Variants in KLHL29 observed in about 807,000 individuals in gnomAD.
KLHL29 encodes kelch-like protein 29.
A neutral mutation model predicts 80.4 loss-of-function variants in KLHL29; 21 were observed. The observed-to-expected ratio is 0.26, with a 90% confidence interval of 0.19 to 0.38. KLHL29 has a LOEUF of 0.38. KLHL29 is among the 10% of genes least tolerant of loss of function. The pLI is 1.00. For synonymous variants in KLHL29, 511 were observed against 526.8 expected, an observed-to-expected ratio of 0.97 and a Z score of 0.41; for missense variants, 867 against 1,223.9, an observed-to-expected ratio of 0.71 and a Z score of 4.35.
chr2:23,445,693 G>A (rs1407624368), intron 1 of KLHL29, among the ~76,000 whole-genome samples: 3 of 152,198 alleles, frequency 2.0e-5, no homozygotes, highest in African/African-American at 7.2e-5. Flanking sequence ...CCTCTCTGGG[G>A]GCTGTACCAT....
At chr2:23,628,914 G>A (rs772159823) in intron 3 of KLHL29, among the ~76,000 whole-genome samples, 12 of 152,196 alleles carry the variant, frequency 7.9e-5, no homozygotes, top group South Asian at 2.1e-4. Context: ...GTCACTGCCC[G>A]CAGGGCCGGC....
intron 1 of KLHL29, among the ~76,000 whole-genome samples, chr2:23,404,103 G>C (rs1320784639): frequency 6.6e-6 from 1 of 152,182 alleles, no homozygotes; most frequent in Non-Finnish European, 1.5e-5. Context: ...AAATGAGGAA[G>C]AAACTTTCTG....
chr2:23,522,027 C>G (rs1191576454), intron 2 of KLHL29, among the ~76,000 whole-genome samples: 1 of 152,224 alleles, frequency 6.6e-6, no homozygotes, highest in African/African-American at 2.4e-5. Flanking sequence ...AGCACTAGTA[C>G]CCACCTGACC....
intron 3 of KLHL29, among the ~76,000 whole-genome samples, chr2:23,613,408 C>T (rs1239162360): frequency 6.6e-6 from 1 of 152,172 alleles, no homozygotes; most frequent in Non-Finnish European, 1.5e-5. Flanking sequence ...GGTGTAGCTA[C>T]ATCAGTATCA....
At chr2:23,548,466 TC>T (rs1667038366) in intron 2 of KLHL29, among the ~76,000 whole-genome samples, 1 of 152,146 alleles carries the variant, frequency 6.6e-6, no homozygotes, top group Non-Finnish European at 1.5e-5. Context: ...GAGTTGCATG[TC>T]CCCACCCACT....
At position 23,484,528 on chromosome 2, in the gene KLHL29, A is replaced by G. The variant is rs80339574; in HGVS notation, c.-46+8861A>G. Among the ~76,000 whole-genome samples the G allele has an allele frequency of 3.3e-5, 5 of 152,336 alleles. No individual in the cohort carries two copies. The East Asian group carries it at 7.7e-4, about 24-fold the overall frequency. On this transcript the variant is annotated intron_variant, in intron 2 of 13. Transcript: ENST00000486442. The stretch of plus-strand genomic sequence containing the variant: ...ACACAGGCAGGTGCTGAAAGTGGAA[A>G]ACGGAAGTCAGAACACAGAGACATT...
chr2:23,703,707 C>T lies in KLHL29; in HGVS notation c.2300-12C>T. 3 of 1,532,678 alleles carry T rather than the reference C, an allele frequency of 2.0e-6. No homozygotes were observed. The highest frequency in any genetic ancestry group is 2.6e-6 in the Non-Finnish European group (3 of 1,144,722). 94.9% of individuals were successfully genotyped at this position (1,532,678 alleles called of 1,614,324 possible). A position where few individuals can be genotyped will look rare whatever the true frequency, so the allele number is the denominator to read the frequency against. On this transcript the variant is annotated splice_polypyrimidine_tract_variant and intron_variant, in intron 12 of 13. Transcript: ENST00000486442. ...AAGCTGCCGTGACCTGCCTGCTCTG[C>T]TCTCCTCACAGACAACAAGTATGCC...
intron 3 of KLHL29, among the ~76,000 whole-genome samples, chr2:23,610,544 G>A (rs1038688244): frequency 6.6e-6 from 1 of 152,176 alleles, no homozygotes; most frequent in Non-Finnish European, 1.5e-5. Flanking sequence ...CCCTCTGTCT[G>A]CATTTTCACT....
At chr2:23,420,004 T>C (rs567779594) in intron 1 of KLHL29, among the ~76,000 whole-genome samples, 1 of 152,276 alleles carries the variant, frequency 6.6e-6, no homozygotes, top group South Asian at 2.1e-4. Context: ...CGTCCAGTGC[T>C]TTCACTCGTG....
intron 1 of KLHL29, among the ~76,000 whole-genome samples, chr2:23,406,233 C>G (rs1427644865): frequency 2.0e-5 from 3 of 147,230 alleles, no homozygotes; most frequent in Non-Finnish European, 4.4e-5. Flanking sequence ...GAGGCTGAGG[C>G]AGGAGAATCA....
intron 1 of KLHL29, among the ~76,000 whole-genome samples, chr2:23,408,301 A>AAAAAAAAAG (rs1666781340): frequency 1.0e-5 from 1 of 97,296 alleles, no homozygotes; most frequent in Non-Finnish European, 2.1e-5. Context: ...AAAAAAAAAA[A>AAAAAAAAAG]TTGAGTTTTT....
intron 6 of KLHL29, among the ~76,000 whole-genome samples, chr2:23,685,053 G>C (rs1445335377): frequency 6.6e-6 from 1 of 152,228 alleles, no homozygotes; most frequent in African/African-American, 2.4e-5. Flanking sequence ...CCAAGTAGGG[G>C]AGAAGAGACT....
rs1216003663 is a variant in KLHL29 at position 23,681,938 on chromosome 2, G to A, written c.941-2461G>A. Among the ~76,000 whole-genome samples, 2 of 152,110 alleles carry A rather than the reference G, an allele frequency of 1.3e-5. No homozygotes were observed. The highest frequency in any genetic ancestry group is 2.9e-5 in the Non-Finnish European group (2 of 68,022). Reference sequence around the variant, plus strand: ...TGTCTCCCCTCCGCCTGGGCTGTGCGCAGGCGCCGCTGGGCTCTCTACCTT... The same window carrying A: ...TGTCTCCCCTCCGCCTGGGCTGTGCACAGGCGCCGCTGGGCTCTCTACCTT... On this transcript the variant is annotated intron_variant, in intron 5 of 13. Transcript: ENST00000486442. This position sits in a 1 kb window ranked among gnomAD's most constrained non-coding sequence, Gnocchi z 4.2.
chr2:23,406,369 G>A (rs1262620560), intron 1 of KLHL29, among the ~76,000 whole-genome samples: 1 of 149,790 alleles, frequency 6.7e-6, no homozygotes, highest in African/African-American at 2.5e-5. Flanking sequence ...ATATTATCTA[G>A]AGATGATTGT....
intron 2 of KLHL29, among the ~76,000 whole-genome samples, chr2:23,539,213 GTC>G (rs35443305): frequency 0.75 from 113,386 of 151,886 alleles, 43,118 homozygotes; most frequent in East Asian, 0.9. Flanking sequence ...AGCCCTAGGT[GTC>G]TCTGTTACGT....
intron 3 of KLHL29, among the ~76,000 whole-genome samples, chr2:23,626,671 G>A (rs958375015): frequency 1.3e-5 from 2 of 152,208 alleles, no homozygotes; most frequent in South Asian, 2.1e-4. Context: ...GGGTGGGAGG[G>A]GGGCCGCGTT....
chr2:23,571,750 A>C (rs1667721452), intron 3 of KLHL29, among the ~76,000 whole-genome samples: 1 of 152,254 alleles, frequency 6.6e-6, no homozygotes, highest in Admixed American at 6.5e-5. Context: ...TGAAGCCAGC[A>C]CATGAGCAGT....
chr2:23,570,599 T>C (rs1667694627), intron 3 of KLHL29, among the ~76,000 whole-genome samples: 1 of 152,184 alleles, frequency 6.6e-6, no homozygotes, highest in African/African-American at 2.4e-5. Context: ...CAGGTAGGGC[T>C]CTTGCCCGGC....
intron 2 of KLHL29, among the ~76,000 whole-genome samples, chr2:23,557,717 G>T (rs904888236): frequency 2.0e-5 from 3 of 152,146 alleles, no homozygotes; most frequent in African/African-American, 7.2e-5. Context: ...ATGTCTCAGA[G>T]GGGCCGGGTT....
Sources: gnomAD v4.1 joint callset for allele counts (sites outside exome capture counted in the v4.1 genomes callset) on GRCh38, gnomAD v4.1.1 for gene constraint, Gnocchi (gnomAD v3.1) non-coding constraint, MANE v1.5 for transcripts, NCBI Gene and HGNC (gene_info 2026-07-23, HGNC 2026-07-21) for gene names.